Variants in FOCAD observed in about 807,000 individuals in gnomAD.
The protein encoded by FOCAD is KIAA1797.
A neutral mutation model predicts 225.6 loss-of-function variants in FOCAD; 198 were observed. That is an observed-to-expected ratio of 0.88 (90% CI 0.78 to 0.99). FOCAD has a LOEUF of 0.99. Among genes scored for constraint, FOCAD ranks in the 50% least tolerant of loss-of-function variants. FOCAD has a pLI of 0.00. For missense variants in FOCAD, 2,713 were observed against 2,123.6 expected (o/e 1.28, Z -5.46); for synonymous variants, 897 against 755.0 (o/e 1.19, Z -3.08).
At chr9:20,988,876 G>C (rs1428375803) in intron 41 of FOCAD, among the ~76,000 whole-genome samples, 1 of 152,134 alleles carries the variant, frequency 6.6e-6, no homozygotes, top group Non-Finnish European at 1.5e-5. Flanking sequence ...GCTTTGAAGA[G>C]GTTCCTGGAG....
intron 2 of FOCAD, among the ~76,000 whole-genome samples, chr9:20,663,525 T>A (rs1051390528): frequency 3.3e-5 from 5 of 151,752 alleles, no homozygotes; most frequent in Middle Eastern, 3.4e-3. Flanking sequence ...AGTTTATGAC[T>A]ATGTTTGCAA....
At chr9:20,751,796 A>T (rs200735931) in intron 5 of FOCAD, among the ~76,000 whole-genome samples, 14 of 147,736 alleles carry the variant, frequency 9.5e-5, no homozygotes, top group South Asian at 2.2e-4. Flanking sequence ...TGTTCCTATT[A>T]CTCCACATCC....
chr9:20,990,242 G>T lies in FOCAD; in HGVS notation c.5124G>T (p.Pro1708=). 1 of 1,614,178 alleles carries T rather than the reference G, an allele frequency of 6.2e-7. No homozygotes were observed. Among genetic ancestry groups the T allele is most frequent in the Non-Finnish European group, 8.5e-7 (1 of 1,180,022 alleles). The part of the protein sequence containing the change: ...SWLPWHQENG[P]AGPVPSFLGR... Reference sequence around the variant, plus strand: ...TGCCATGGCATCAGGAGAATGGCCCGGCTGGGCCAGTACCAAGCTTCCTTG... The same window carrying T: ...TGCCATGGCATCAGGAGAATGGCCCTGCTGGGCCAGTACCAAGCTTCCTTG... Residue 1708 remains proline, a synonymous_variant, in exon 42 of 44, where the codon CCG becomes CCT. Coordinates refer to ENST00000338382, the MANE Select transcript of FOCAD (RefSeq NM_001375567.1).
At chr9:20,842,716 C>T (rs1164800189) in intron 15 of FOCAD, among the ~76,000 whole-genome samples, 2 of 151,932 alleles carry the variant, frequency 1.3e-5, no homozygotes, top group Non-Finnish European at 2.9e-5. Context: ...CACTTATATT[C>T]AATGTGATTA....
intron 5 of FOCAD, among the ~76,000 whole-genome samples, chr9:20,746,626 G>A (rs908486905): frequency 2.0e-5 from 3 of 152,134 alleles, no homozygotes; most frequent in African/African-American, 4.8e-5. Context: ...CCATTTGAGA[G>A]TAGATTGGAA....
chr9:20,842,990 A>T (rs993043393), intron 15 of FOCAD, among the ~76,000 whole-genome samples: 6 of 152,034 alleles, frequency 3.9e-5, no homozygotes, highest in African/African-American at 1.4e-4. Flanking sequence ...CAAATCTAAT[A>T]AAAACTCTAC....
chr9:20,864,253 C>A (rs1829038947), intron 16 of FOCAD, among the ~76,000 whole-genome samples: 1 of 152,018 alleles, frequency 6.6e-6, no homozygotes, highest in African/African-American at 2.4e-5. Context: ...TAAGTCATTT[C>A]TATCCCTAGT....
At chr9:20,700,919 A>C (rs923884113) in intron 1 of FOCAD, among the ~76,000 whole-genome samples, 2 of 152,216 alleles carry the variant, frequency 1.3e-5, no homozygotes, top group East Asian at 3.8e-4. Flanking sequence ...TCTCTTAAGA[A>C]ATCCAAATGT....
At chr9:20,725,444 G>A (rs561086775) in intron 4 of FOCAD, among the ~76,000 whole-genome samples, 160 of 152,300 alleles carry the variant, frequency 1.1e-3, no homozygotes, top group African/African-American at 3.5e-3. Flanking sequence ...AGAGAGGGGG[G>A]TGGATAGAAA....
At chr9:20,702,984 G>A (rs1824086972) in intron 1 of FOCAD, among the ~76,000 whole-genome samples, 1 of 152,066 alleles carries the variant, frequency 6.6e-6, no homozygotes, top group Non-Finnish European at 1.5e-5. Context: ...TCCAGCCTGG[G>A]CAACTGAGCA....
intron 20 of FOCAD, among the ~76,000 whole-genome samples, chr9:20,883,973 C>G (rs761602616): frequency 1.1e-4 from 17 of 152,002 alleles, no homozygotes; most frequent in Non-Finnish European, 5.9e-5. Context: ...CTTAACTGAC[C>G]GTTGTGGAAA....
chr9:20,866,931 C>T lies in FOCAD; in HGVS notation c.2109C>T (p.Asp703=). ...SFLWTHTQNK[D]PIVANAAYRS... is the part of the protein sequence containing the mutation. ...TTTTTTTTTTTTACCCTATCTAGGACCCAATTGTAGCAAATGCTGCATATA... is the reference window on the plus strand; with the variant it reads ...TTTTTTTTTTTTACCCTATCTAGGATCCAATTGTAGCAAATGCTGCATATA... Residue 703 remains aspartate (D), a splice_region_variant and synonymous_variant, in exon 18 of 44, where the codon GAC becomes GAT. Transcript: ENST00000338382. 2.0e-6 allele frequency: 1 copy of T among 499,346 alleles called. No homozygotes were observed. Among genetic ancestry groups the T allele is most frequent in the Non-Finnish European group, 3.5e-6 (1 of 286,854 alleles). The allele number at this position is 499,346 out of a possible 1,614,324, so 30.9% of individuals were successfully genotyped here.
intron 24 of FOCAD, among the ~76,000 whole-genome samples, chr9:20,921,217 A>T (rs568040601): frequency 1.1e-4 from 17 of 152,326 alleles, no homozygotes; most frequent in African/African-American, 3.8e-4. Flanking sequence ...GAGTCACTTT[A>T]CTAATATGTA....
chr9:20,671,153 C>T (rs552960247), intron 2 of FOCAD, among the ~76,000 whole-genome samples: 1 of 151,980 alleles, frequency 6.6e-6, no homozygotes, highest in Non-Finnish European at 1.5e-5. Flanking sequence ...GTCATGGATA[C>T]ATACAACCTT....
At chr9:20,788,362 G>A (rs1820160385) in intron 10 of FOCAD, among the ~76,000 whole-genome samples, 1 of 152,100 alleles carries the variant, frequency 6.6e-6, no homozygotes, top group Non-Finnish European at 1.5e-5. Flanking sequence ...TGATGAAAAT[G>A]TTCTAAAATT....
At position 20,984,770 on chromosome 9, in the gene FOCAD, A is replaced by G. The variant is rs147394004; in HGVS notation, c.4729-1518A>G. The stretch of plus-strand genomic sequence containing the variant: ...TACGGACATCCTTCTTTTACATTTC[A>G]CCAAAAAACTCAACAACTTGTAGTT... On this transcript the variant is annotated intron_variant, in intron 39 of 43. Coordinates refer to ENST00000338382, the MANE Select transcript of FOCAD (RefSeq NM_001375567.1). Among the ~76,000 whole-genome samples, 597 of 152,280 alleles carry G rather than the reference A, an allele frequency of 3.9e-3. 4 individuals are homozygous for G. The highest frequency in any genetic ancestry group is 0.013 in the African/African-American group (557 of 41,560).
At chr9:20,814,377 A>G (rs761682108) in intron 11 of FOCAD, among the ~76,000 whole-genome samples, 3 of 146,314 alleles carry the variant, frequency 2.1e-5, no homozygotes, top group African/African-American at 7.6e-5. Flanking sequence ...TTTTTCTGAG[A>G]TGAAGTCTCA....
intron 21 of FOCAD, among the ~76,000 whole-genome samples, chr9:20,906,131 C>G (rs1177945509): frequency 1.3e-5 from 2 of 151,894 alleles, no homozygotes; most frequent in Non-Finnish European, 2.9e-5. Context: ...ATAGTAGGCC[C>G]TCACTAAGAC....
At chr9:20,775,217 A>AT (rs745804388) in intron 8 of FOCAD, among the ~76,000 whole-genome samples, 3 of 152,168 alleles carry the variant, frequency 2.0e-5, no homozygotes, top group Non-Finnish European at 4.4e-5. Context: ...TAGTTGAGCC[A>AT]TTTTTAGCCT....
Sources: allele counts gnomAD v4.1 joint callset (sites outside exome capture counted in the v4.1 genomes callset), GRCh38; gene constraint gnomAD v4.1.1; transcripts MANE v1.5; gene names NCBI Gene and HGNC (gene_info 2026-07-23, HGNC 2026-07-21).